TRIM62: variants seen among roughly 807,000 people sequenced by gnomAD.
TRIM62 encodes the protein tripartite motif containing 62, also known as E3 ubiquitin-protein ligase TRIM62.
A neutral mutation model predicts 44.2 loss-of-function variants in TRIM62; 39 were observed. The observed-to-expected ratio is 0.88, with a 90% CI of 0.68 to 1.15. The LOEUF is 1.15. Among genes scored for constraint, TRIM62 ranks in the 50% most tolerant of loss-of-function variants. TRIM62 has a pLI of 0.00. For synonymous variants in TRIM62, 278 were observed against 292.3 expected (o/e 0.95, Z 0.50); for missense variants, 544 against 665.5 (o/e 0.82, Z 2.01).
rs1366231921 is a variant in TRIM62 at position 33,159,947 on chromosome 1, G to A, written c.505-3C>T. 1 of 1,600,816 alleles carries A rather than the reference G, an allele frequency of 6.2e-7. No individual in the cohort carries two copies. The highest frequency in any genetic ancestry group is 1.1e-5 in the South Asian group (1 of 91,042). Reference sequence around the variant, plus strand: ...GTCCGCAGGCTCTTGGTGGAAGACTGTGGGGGACAGTCGTCAGGGGTTATG... The same window carrying A: ...GTCCGCAGGCTCTTGGTGGAAGACTATGGGGGACAGTCGTCAGGGGTTATG... On this transcript the variant is annotated splice_polypyrimidine_tract_variant and splice_region_variant and intron_variant, in intron 2 of 4. Transcript: ENST00000291416. The surrounding 1 kb of genome is among the most constrained non-coding windows in gnomAD (Gnocchi z 4.2).
rs537805601 is a variant in TRIM62, at chr1:33,147,585, C to G, written c.1020G>C (p.Val340=). 1.4e-5 allele frequency: 22 copies of G among 1,614,158 alleles called. No homozygotes were observed. In the African/African-American group the frequency reaches 2.9e-4, roughly 22 times the overall value. Residue 340 remains valine, a synonymous_variant, in exon 5 of 5, where the codon GTG becomes GTC. Coordinates refer to ENST00000291416, the MANE Select transcript of TRIM62 (RefSeq NM_018207.3). This position sits in a 1 kb window ranked among gnomAD's most constrained non-coding sequence, Gnocchi z 8.1. ...SPKRFDVEVS[V]LGSEAFSSGV... Reference sequence around the variant, plus strand: ...CACTACTGAAGGCTTCAGAACCCAGCACCGACACCTCCACATCGAAGCGCT... The same window carrying G: ...CACTACTGAAGGCTTCAGAACCCAGGACCGACACCTCCACATCGAAGCGCT...
chr1:33,155,425 A>T (rs1267003800), intron 4 of TRIM62, among the ~76,000 whole-genome samples: 1 of 151,930 alleles, frequency 6.6e-6, no homozygotes. Flanking sequence ...GGAACAGAAG[A>T]ATGAATCCAG....
Position 33,146,034 on chromosome 1 carries a change from C to G in TRIM62, c.*1143G>C, listed in dbSNP as rs1030418765. On this transcript the variant is annotated 3_prime_UTR_variant, in exon 5 of 5. Transcript: ENST00000291416. Reference sequence around the variant, plus strand: ...GGACCGTGGCAGAGGGAGCCTAGTTCTGCAGTCAGCAGCTTTCTGGCATAG... The same window carrying G: ...GGACCGTGGCAGAGGGAGCCTAGTTGTGCAGTCAGCAGCTTTCTGGCATAG... 1 of 392,122 alleles carries G rather than the reference C, an allele frequency of 2.6e-6. No individual in the cohort carries two copies. Among genetic ancestry groups the G allele is most frequent in the African/African-American group, 2.1e-5 (1 of 47,446 alleles). 24.3% of individuals were successfully genotyped at this position (392,122 alleles called of 1,614,324 possible). A position where few individuals can be genotyped will look rare whatever the true frequency, so the allele number is the denominator to read the frequency against.
Position 33,147,204 on chromosome 1 carries a change from C to A in TRIM62, c.1401G>T (p.Pro467=), listed in dbSNP as rs772577078. 1.9e-6 allele frequency: 3 copies of A among 1,613,740 alleles called. No homozygotes were observed. Among genetic ancestry groups the A allele is most frequent in the South Asian group, 2.2e-5 (2 of 91,070 alleles). ...QSHANGKNVQ[P]LRINTVRI Reference sequence around the variant, plus strand: ...AGATGCGGACGGTGTTGATCCGCAGCGGCTGAACGTTCTTGCCATTGGCGT... The same window carrying A: ...AGATGCGGACGGTGTTGATCCGCAGAGGCTGAACGTTCTTGCCATTGGCGT... Residue 467 remains proline (P), a synonymous_variant, in exon 5 of 5, where the codon CCG becomes CCT. Transcript: ENST00000291416. This position sits in a 1 kb window ranked among gnomAD's most constrained non-coding sequence, Gnocchi z 8.1.
intron 1 of TRIM62, chr1:33,176,585 C>T (rs141792141): frequency 1.5e-5 from 8 of 539,942 alleles, no homozygotes; most frequent in African/African-American, 1.3e-4. Context: ...CTGCTCTGAC[C>T]AAGATGACGT....
At chr1:33,151,179 T>C (rs548578627) in intron 4 of TRIM62, among the ~76,000 whole-genome samples, 19 of 152,070 alleles carry the variant, frequency 1.2e-4, no homozygotes, top group Admixed American at 1.3e-4. Flanking sequence ...AAGATAAGCC[T>C]GCAGATTGGA....
intron 1 of TRIM62, among the ~76,000 whole-genome samples, chr1:33,169,206 G>C (rs763701938): frequency 6.6e-6 from 1 of 152,114 alleles, no homozygotes; most frequent in Non-Finnish European, 1.5e-5. Context: ...TGCTGCGATC[G>C]TGTTAGGAGA....
At position 33,181,627 on chromosome 1, in the gene TRIM62, C is replaced by G; in HGVS notation, c.-195G>C. On this transcript the variant is annotated 5_prime_UTR_variant, in exon 1 of 5. Transcript: ENST00000291416. The surrounding 1 kb of genome is among the most constrained non-coding windows in gnomAD (Gnocchi z 6.5). ...AGGAAGGGGTGCGCGGCTGAGACTC[C>G]GTGGGACGCCAGCCCGGGAGGGCAG... is the stretch of plus-strand genomic sequence containing the variant. The G allele has an allele frequency of 9.7e-7, 1 of 1,026,950 alleles. No homozygotes were observed. Among genetic ancestry groups the G allele is most frequent in the Non-Finnish European group, 1.3e-6 (1 of 744,204 alleles). The allele number at this position is 1,026,950 out of a possible 1,614,324, so 63.6% of individuals were successfully genotyped here. A position where few individuals can be genotyped will look rare whatever the true frequency, so the allele number is the denominator to read the frequency against.
At chr1:33,168,598 C>T (rs1351363075) in intron 1 of TRIM62, among the ~76,000 whole-genome samples, 1 of 152,188 alleles carries the variant, frequency 6.6e-6, no homozygotes, top group African/African-American at 2.4e-5. Flanking sequence ...AGAAACGCAC[C>T]CCATCTGACT....
At chr1:33,149,553 T>C (rs1645068285) in intron 4 of TRIM62, among the ~76,000 whole-genome samples, 1 of 152,114 alleles carries the variant, frequency 6.6e-6, no homozygotes, top group Admixed American at 6.6e-5. Flanking sequence ...CTCCTAGGCT[T>C]AAGTGATCCT....
chr1:33,179,528 C>T (rs1050816336), intron 1 of TRIM62, among the ~76,000 whole-genome samples: 1 of 152,208 alleles, frequency 6.6e-6, no homozygotes, highest in South Asian at 2.1e-4. Flanking sequence ...TAGCCCACTC[C>T]ATTTTCATAA....
intron 4 of TRIM62, among the ~76,000 whole-genome samples, chr1:33,152,554 T>C (rs687536): frequency 1 from 146,610 of 147,034 alleles, 73,093 homozygotes; most frequent in Middle Eastern, 1. Context: ...GCAACAAGAG[T>C]GAAACTCCGT....
chr1:33,170,067 T>C (rs1645361115), intron 1 of TRIM62, among the ~76,000 whole-genome samples: 1 of 152,128 alleles, frequency 6.6e-6, no homozygotes, highest in Non-Finnish European at 1.5e-5. Flanking sequence ...CTCACACCTG[T>C]AATCCCAACC....
intron 1 of TRIM62, among the ~76,000 whole-genome samples, chr1:33,176,770 C>T (rs186422874): frequency 8.8e-4 from 134 of 152,330 alleles, no homozygotes; most frequent in Non-Finnish European, 1.7e-3. Flanking sequence ...AGCTGCGTGA[C>T]CAAATGAGTC....
At chr1:33,160,714 A>G (rs1375638815) in intron 2 of TRIM62, among the ~76,000 whole-genome samples, 20 of 152,258 alleles carry the variant, frequency 1.3e-4, no homozygotes, top group African/African-American at 3.4e-4. Flanking sequence ...TGAAGTCTTT[A>G]TTTTAAAAAA....
Position 33,170,980 on chromosome 1 carries a change from G to A in TRIM62, c.409-5414C>T, listed in dbSNP as rs181111880. On this transcript the variant is annotated intron_variant, in intron 1 of 4. Transcript: ENST00000291416. ...GTGTCCCGTATGCGGCTCCCTAGTC[G>A]CTTCTTTGTGTCTTCATCCCTCACT... 8.1e-4 allele frequency among the ~76,000 whole-genome samples: 124 copies of A among 152,304 alleles called. 1 individual carries two copies. Among genetic ancestry groups the A allele is most frequent in the East Asian group, 3.9e-4 (2 of 5,190 alleles).
At chr1:33,176,992 T>TA (rs1407630605) in intron 1 of TRIM62, among the ~76,000 whole-genome samples, 1 of 152,048 alleles carries the variant, frequency 6.6e-6, no homozygotes, top group Non-Finnish European at 1.5e-5. Flanking sequence ...GTGGTCCAGG[T>TA]ACTCAGCAGT....
In TRIM62 at chr1:33,181,011, G is replaced by C; in HGVS notation, c.408+14C>G. On this transcript the variant is annotated intron_variant, in intron 1 of 4. Transcript: ENST00000291416. The surrounding 1 kb of genome is among the most constrained non-coding windows in gnomAD (Gnocchi z 6.5). Reference sequence around the variant, plus strand: ...CCGGCCCCGCCCCTTCCCCAGGCAGGCCGGGTAGCGCACCTGCAGCTCGTC... The same window carrying C: ...CCGGCCCCGCCCCTTCCCCAGGCAGCCCGGGTAGCGCACCTGCAGCTCGTC... 1.9e-6 allele frequency: 3 copies of C among 1,570,482 alleles called. No individual in the cohort carries two copies. Among genetic ancestry groups the C allele is most frequent in the Non-Finnish European group, 2.6e-6 (3 of 1,166,496 alleles).
intron 4 of TRIM62, among the ~76,000 whole-genome samples, chr1:33,157,774 C>T (rs1474014777): frequency 1.3e-5 from 2 of 150,926 alleles, no homozygotes; most frequent in South Asian, 4.2e-4. Context: ...CCTTTTTTTC[C>T]GAGATGGAGT....
Sources: allele counts gnomAD v4.1 joint callset (sites outside exome capture counted in the v4.1 genomes callset), GRCh38; gene constraint gnomAD v4.1.1; non-coding constraint Gnocchi (gnomAD v3.1); transcripts MANE v1.5; gene names NCBI Gene and HGNC (gene_info 2026-07-23, HGNC 2026-07-21).